Variants in UBR3 observed in about 807,000 individuals in gnomAD.
UBR3 encodes E3 ubiquitin-protein ligase UBR3.
In UBR3, 85 loss-of-function variants were observed where a neutral mutation model predicts 243.2. The observed-to-expected ratio is 0.35, with a 90% CI of 0.29 to 0.42. The LOEUF is 0.42. UBR3 is among the 10% of genes least tolerant of loss of function. The pLI is 1.00. For missense variants in UBR3, 1,686 were observed against 2,300.8 expected (o/e 0.73, Z 5.47); for synonymous variants, 748 against 799.8 (o/e 0.94, Z 1.09).
At chr2:169,837,327 T>C (rs958099546) in intron 1 of UBR3, among the ~76,000 whole-genome samples, 2 of 152,178 alleles carry the variant, frequency 1.3e-5, no homozygotes, top group Non-Finnish European at 1.5e-5. Flanking sequence ...AAATACAAAA[T>C]TAGCCGGGTG....
In UBR3 at chr2:170,029,379, G is replaced by T; in HGVS notation, c.4487G>T (p.Arg1496Leu). The T allele has an allele frequency of 1.2e-6, 2 of 1,610,642 alleles. No homozygotes were observed. The highest frequency in any genetic ancestry group is 1.7e-6 in the Non-Finnish European group (2 of 1,178,306). The change falls in exon 31 of 39, where the codon CGG (arginine) becomes CTG (leucine). Residue 1496 changes from arginine (R) to leucine (L), a missense_variant. Physicochemically the swap from Arg to Leu is moderately radical, Grantham distance 102. Transcript: ENST00000272793. ...TTTCATGTATTAGCCTTGCACATGCGGCTTTATAGCATTGACTCTGAGTAT... is the reference window on the plus strand; with the variant it reads ...TTTCATGTATTAGCCTTGCACATGCTGCTTTATAGCATTGACTCTGAGTAT... ...QLFHVLALHM[R>L]LYSIDSEYNP...
Position 169,888,430 on chromosome 2 carries a change from C to T in UBR3, c.1039-2735C>T, listed in dbSNP as rs190186778. On this transcript the variant is annotated intron_variant, in intron 5 of 38. Transcript: ENST00000272793. ...CTGGGATTACAGGCGTGAGCCACCG[C>T]GCCTCGTCCTGTATTATGACTTTAA... Among the ~76,000 whole-genome samples the T allele has an allele frequency of 9.7e-4, 147 of 152,222 alleles. 2 individuals carry two copies. Among genetic ancestry groups the T allele is most frequent in the East Asian group, 6.9e-3 (36 of 5,186 alleles).
intron 19 of UBR3, among the ~76,000 whole-genome samples, chr2:169,935,524 G>T (rs1237076065): frequency 6.6e-6 from 1 of 152,158 alleles, no homozygotes; most frequent in Non-Finnish European, 1.5e-5. Context: ...CATTTCCAAA[G>T]ATAGAAATGA....
At chr2:170,080,440 C>A in intron 37 of UBR3, 105 bp from the exon 38 acceptor site, 3 of 1,142,776 alleles carry the variant, frequency 2.6e-6, no homozygotes, top group Non-Finnish European at 3.6e-6. Flanking sequence ...TGAAATCTTA[C>A]TATTTTTAAA....
intron 29 of UBR3, among the ~76,000 whole-genome samples, chr2:170,011,322 C>T (rs902641678): frequency 6.6e-5 from 10 of 152,014 alleles, no homozygotes; most frequent in Non-Finnish European, 1.2e-4. Context: ...TTATGCATAA[C>T]ATATAACATT....
At chr2:169,845,492 T>TTCGTCGTCGTCGTCG (rs746655489) in intron 1 of UBR3, among the ~76,000 whole-genome samples, 1 of 123,524 alleles carries the variant, frequency 8.1e-6, no homozygotes, top group East Asian at 2.2e-4. Context: ...CCTTTCCCTC[T>TTCGTCGTCGTCGTCG]TCGTCGTCAT....
At chr2:169,995,383 A>G (rs922847025) in intron 26 of UBR3, among the ~76,000 whole-genome samples, 7 of 152,230 alleles carry the variant, frequency 4.6e-5, no homozygotes, top group Non-Finnish European at 7.3e-5. Context: ...AAATGTATGC[A>G]TACTCCGCAT....
chr2:169,834,507 A>G (rs1170479753), intron 1 of UBR3, among the ~76,000 whole-genome samples: 1 of 152,232 alleles, frequency 6.6e-6, no homozygotes, highest in African/African-American at 2.4e-5. Context: ...ATTAATTTAC[A>G]TTCCTGCCAA....
intron 23 of UBR3, among the ~76,000 whole-genome samples, chr2:169,954,290 G>T (rs942810083): frequency 2.6e-5 from 4 of 151,946 alleles, no homozygotes; most frequent in African/African-American, 7.3e-5. Context: ...ACTCAGGCTG[G>T]AGTATAGTGG....
rs79645018 is a variant in UBR3, at chr2:170,081,879, C to T, written c.*36C>T. On this transcript the variant is annotated 3_prime_UTR_variant, in exon 39 of 39. Transcript: ENST00000272793. The stretch of plus-strand genomic sequence containing the variant: ...CAGCATTGCATCGTATCATCATTTT[C>T]GCTACGAATTTATTTTTCAACAATA... 30,333 of 1,351,806 alleles carry T rather than the reference C, an allele frequency of 0.022. 668 individuals are homozygous for T. Among genetic ancestry groups the T allele is most frequent in the East Asian group, 0.11 (4,363 of 39,142 alleles). 83.7% of individuals were successfully genotyped at this position (1,351,806 alleles called of 1,614,324 possible). A position where few individuals can be genotyped will look rare whatever the true frequency, so the allele number is the denominator to read the frequency against.
At chr2:169,938,989 G>T (rs2086458924) in intron 19 of UBR3, among the ~76,000 whole-genome samples, 2 of 150,882 alleles carry the variant, frequency 1.3e-5, no homozygotes, top group African/African-American at 2.4e-5. Context: ...AAGGTTTTAG[G>T]CTTGCTTAGG....
intron 24 of UBR3, among the ~76,000 whole-genome samples, chr2:169,978,228 G>T (rs1347890710): frequency 5.9e-5 from 9 of 152,172 alleles, no homozygotes; most frequent in Non-Finnish European, 5.9e-5. Flanking sequence ...CCCTCTTGGT[G>T]TCATGTCTTT....
At chr2:169,855,481 G>C (rs1403720295) in intron 1 of UBR3, among the ~76,000 whole-genome samples, 1 of 152,086 alleles carries the variant, frequency 6.6e-6, no homozygotes, top group Non-Finnish European at 1.5e-5. Context: ...GGTTTTCCTA[G>C]GCAGAGGGCC....
chr2:169,934,403 G>A (rs2086247770), intron 19 of UBR3, among the ~76,000 whole-genome samples: 2 of 152,108 alleles, frequency 1.3e-5, no homozygotes, highest in Admixed American at 6.5e-5. Flanking sequence ...AACTTTCAAA[G>A]CTTTGAAGGA....
chr2:169,941,072 AT>A (rs1182603407), intron 19 of UBR3, among the ~76,000 whole-genome samples: 1 of 152,222 alleles, frequency 6.6e-6, no homozygotes, highest in African/African-American at 2.4e-5. Context: ...TGAAGCAGAT[AT>A]TCCTCCTTCT....
At chr2:170,047,247 G>A (rs994217331) in intron 32 of UBR3, among the ~76,000 whole-genome samples, 10 of 152,022 alleles carry the variant, frequency 6.6e-5, no homozygotes, top group African/African-American at 2.4e-4. Context: ...TGGGCTCAAG[G>A]AATCCACCTG....
At chr2:169,831,127 A>ATTTTTT (rs34139528) in intron 1 of UBR3, among the ~76,000 whole-genome samples, 7 of 56,462 alleles carry the variant, frequency 1.2e-4, no homozygotes, top group Admixed American at 2.9e-4. Context: ...ATATATATAT[A>ATTTTTT]TTTTTTTTTT....
chr2:169,986,940 C>A, intron 25 of UBR3, 146 bp downstream of exon 25: 1 of 822,286 alleles, frequency 1.2e-6, no homozygotes. Context: ...AACAAAGATT[C>A]TTTATCGGTT....
At chr2:170,039,691 G>A (rs140766438) in intron 31 of UBR3, among the ~76,000 whole-genome samples, 54 of 152,218 alleles carry the variant, frequency 3.5e-4, no homozygotes, top group African/African-American at 1.3e-3. Context: ...CAAGTCTAAA[G>A]TGTAGCTTCA....
Sources: allele counts gnomAD v4.1 joint callset (sites outside exome capture counted in the v4.1 genomes callset), GRCh38; gene constraint gnomAD v4.1.1; transcripts MANE v1.5; gene names NCBI Gene and HGNC (gene_info 2026-07-23, HGNC 2026-07-21).